Variants in NTM observed in about 807,000 individuals in gnomAD.
The protein encoded by NTM is IgLON family member 2.
Under a neutral mutation model 42.1 loss-of-function variants are expected in NTM, and 13 were observed. That is an observed-to-expected ratio of 0.31 (90% confidence interval 0.20 to 0.49). The LOEUF (loss-of-function observed/expected upper bound fraction) is 0.49, where lower values mean the gene tolerates loss of function less well. Among genes scored for constraint, NTM ranks in the 20% least tolerant of loss-of-function variants. The pLI is 0.99. For missense variants in NTM, 373 were observed against 452.8 expected, an observed-to-expected ratio of 0.82 and a Z score of 1.60; for synonymous variants, 187 against 179.2, an observed-to-expected ratio of 1.04 and a Z score of -0.35.
chr11:131,700,958 T>C (rs1437782345), intron 1 of NTM, among the ~76,000 whole-genome samples: 3 of 152,236 alleles, frequency 2.0e-5, no homozygotes, highest in Non-Finnish European at 4.4e-5. Flanking sequence ...ATTTAATAGC[T>C]GTGAGTCCTT....
intron 4 of NTM, among the ~76,000 whole-genome samples, chr11:132,298,924 T>G (rs932031522): frequency 6.6e-6 from 1 of 152,210 alleles, no homozygotes; most frequent in Non-Finnish European, 1.5e-5. Context: ...AATTTATAGT[T>G]GGCACCAGTT....
intron 1 of NTM, among the ~76,000 whole-genome samples, chr11:131,799,191 A>AT (rs2091891687): frequency 6.6e-6 from 1 of 152,186 alleles, no homozygotes; most frequent in Non-Finnish European, 1.5e-5. Context: ...ATGGCCATAC[A>AT]TACTATATCC....
At chr11:131,448,527 A>G (rs1179932319) in intron 1 of NTM, among the ~76,000 whole-genome samples, 2 of 152,206 alleles carry the variant, frequency 1.3e-5, no homozygotes, top group Non-Finnish European at 2.9e-5. Flanking sequence ...GGAAGACCTT[A>G]TGGGTGCTCA....
At chr11:132,012,417 C>G (rs942909689) in intron 2 of NTM, among the ~76,000 whole-genome samples, 1 of 151,634 alleles carries the variant, frequency 6.6e-6, no homozygotes, top group Non-Finnish European at 1.5e-5. Context: ...AGCCCATCTC[C>G]AGATTATTGA....
intron 1 of NTM, among the ~76,000 whole-genome samples, chr11:131,906,686 T>C (rs1005489153): frequency 6.6e-6 from 1 of 152,168 alleles, no homozygotes; most frequent in African/African-American, 2.4e-5. Context: ...CTCCGATTGT[T>C]CTATCCACCA....
chr11:132,110,807 G>A (rs2063063673), intron 2 of NTM, among the ~76,000 whole-genome samples: 1 of 151,716 alleles, frequency 6.6e-6, no homozygotes, highest in Non-Finnish European at 1.5e-5. Context: ...GGCTGAGGTG[G>A]GAGGATCACT....
intron 1 of NTM, among the ~76,000 whole-genome samples, chr11:131,876,052 A>T (rs2048494671): frequency 6.6e-6 from 1 of 151,830 alleles, no homozygotes; most frequent in Non-Finnish European, 1.5e-5. Flanking sequence ...TTTCCGTGAC[A>T]TTTTCTTGTG....
chr11:131,540,890 C>A (rs1043406887), intron 1 of NTM: 1 of 152,180 alleles, frequency 6.6e-6, no homozygotes, highest in Non-Finnish European at 1.5e-5. Context: ...CTTTAAGAGT[C>A]TTTCCCAAGA....
chr11:131,992,168 C>T (rs994885633), intron 2 of NTM, among the ~76,000 whole-genome samples: 16 of 152,156 alleles, frequency 1.1e-4, no homozygotes, highest in Middle Eastern at 3.4e-3. Context: ...CTCGATGTGA[C>T]GACTATGAAG....
intron 1 of NTM, among the ~76,000 whole-genome samples, chr11:131,417,690 T>C (rs563801346): frequency 1.3e-5 from 2 of 152,302 alleles, no homozygotes; most frequent in East Asian, 3.9e-4. Flanking sequence ...GTTGTAAAAA[T>C]GATCAAGAAA....
At chr11:132,309,339 G>A (rs2095206199) in intron 5 of NTM, among the ~76,000 whole-genome samples, 1 of 152,196 alleles carries the variant, frequency 6.6e-6, no homozygotes, top group African/African-American at 2.4e-5. Context: ...AGAATACCAA[G>A]AATGACTGAT....
chr11:132,088,243 T>G (rs548512415), intron 2 of NTM, among the ~76,000 whole-genome samples: 1 of 151,418 alleles, frequency 6.6e-6, no homozygotes, highest in Admixed American at 6.6e-5. Context: ...TGAGAGTGAG[T>G]GGGGTGGGGG....
chr11:132,325,573 T>C (rs549304358), intron 7 of NTM, among the ~76,000 whole-genome samples: 17,279 of 151,874 alleles, frequency 0.11, 1,325 homozygotes, highest in Non-Finnish European at 0.18. Context: ...TTGGTGGGAC[T>C]GTAAACTAGT....
intron 2 of NTM, among the ~76,000 whole-genome samples, chr11:132,123,147 A>C (rs904859153): frequency 5.3e-5 from 8 of 151,972 alleles, no homozygotes; most frequent in Non-Finnish European, 2.9e-5. Context: ...AGGCTGCTCA[A>C]CTGCCAGAGG....
chr11:132,148,309 A>C (rs983721301), intron 3 of NTM, among the ~76,000 whole-genome samples: 3 of 152,100 alleles, frequency 2.0e-5, no homozygotes, highest in Non-Finnish European at 4.4e-5. Flanking sequence ...TGTAAAATAC[A>C]TTTTTTATTA....
chr11:132,246,669 G>C (rs1467612319), intron 4 of NTM, among the ~76,000 whole-genome samples: 1 of 152,220 alleles, frequency 6.6e-6, no homozygotes, highest in Non-Finnish European at 1.5e-5. Context: ...AAAATGAGCT[G>C]AGCTGAGATA....
chr11:132,212,971 AG>A (rs1254564667), intron 4 of NTM, among the ~76,000 whole-genome samples: 7 of 149,624 alleles, frequency 4.7e-5, no homozygotes, highest in Admixed American at 2.7e-4. Context: ...AAAAAAAAAG[AG>A]TATGCAATAT....
intron 1 of NTM, among the ~76,000 whole-genome samples, chr11:131,759,576 G>A (rs1440753938): frequency 1.3e-5 from 2 of 151,616 alleles, no homozygotes; most frequent in Non-Finnish European, 2.9e-5. Context: ...TTTTCCTGGA[G>A]TAAGAAATTC....
intron 2 of NTM, among the ~76,000 whole-genome samples, chr11:131,978,922 G>C (rs1314747241): frequency 1.3e-5 from 2 of 152,130 alleles, no homozygotes; most frequent in East Asian, 1.9e-4. Context: ...TTCTGTGGCA[G>C]ATAAGTCCCC....
Sources: gnomAD v4.1 joint callset for allele counts (sites outside exome capture counted in the v4.1 genomes callset) on GRCh38, gnomAD v4.1.1 for gene constraint, MANE v1.5 for transcripts, NCBI Gene and HGNC (gene_info 2026-07-23, HGNC 2026-07-21) for gene names.